The following NRG1 variants were observed in gnomAD, a reference collection of about 807,000 sequenced individuals.
NRG1 encodes pro-neuregulin-1, membrane-bound isoform.
Under a neutral mutation model 63.8 loss-of-function variants are expected in NRG1, and 18 were observed. That is an observed-to-expected ratio of 0.28 (90% CI 0.19 to 0.42). The LOEUF is 0.42. Among genes scored for constraint, NRG1 ranks in the 10% least tolerant of loss-of-function variants. The probability of loss-of-function intolerance (pLI) is 1.00; values close to 1 mark genes in which losing one functional copy is unlikely to be tolerated. For missense variants in NRG1, 762 were observed against 814.7 expected (o/e 0.94, Z 0.79); for synonymous variants, 302 against 301.3 (o/e 1.00, Z -0.02).
intron 1 of NRG1, among the ~76,000 whole-genome samples, chr8:32,251,857 T>G (rs1489087798): frequency 1.3e-5 from 2 of 151,332 alleles, no homozygotes; most frequent in Admixed American, 1.3e-4. Flanking sequence ...TCTCATATGT[T>G]TGTTAGCCGC....
At chr8:31,769,402 G>C (rs555358463) in intron 1 of NRG1, among the ~76,000 whole-genome samples, 1 of 152,270 alleles carries the variant, frequency 6.6e-6, no homozygotes, top group Admixed American at 6.5e-5. Flanking sequence ...TTTCAAGAGG[G>C]CATGGCTTCT....
At chr8:31,904,499 C>T (rs1832358673) in intron 1 of NRG1, among the ~76,000 whole-genome samples, 1 of 152,176 alleles carries the variant, frequency 6.6e-6, no homozygotes, top group South Asian at 2.1e-4. Context: ...TCTCAAAGAA[C>T]ATTTGACCTG....
intron 1 of NRG1, among the ~76,000 whole-genome samples, chr8:32,314,930 C>A (rs1384546089): frequency 1.3e-5 from 2 of 152,210 alleles, no homozygotes; most frequent in Non-Finnish European, 1.5e-5. Flanking sequence ...GTGACTGATT[C>A]TCACCACCAC....
At chr8:31,801,020 T>G (rs1051607491) in intron 1 of NRG1, among the ~76,000 whole-genome samples, 1 of 151,410 alleles carries the variant, frequency 6.6e-6, no homozygotes, top group African/African-American at 2.4e-5. Flanking sequence ...TTTTGTATTT[T>G]TTTTTTTTAG....
intron 1 of NRG1, among the ~76,000 whole-genome samples, chr8:32,225,395 C>G (rs919773777): frequency 2.0e-5 from 3 of 152,296 alleles, no homozygotes; most frequent in Non-Finnish European, 4.4e-5. Flanking sequence ...GTGTCCCCAC[C>G]ACCAGAGTTT....
intron 1 of NRG1, among the ~76,000 whole-genome samples, chr8:32,049,360 A>G (rs1821607518): frequency 6.6e-6 from 1 of 152,166 alleles, no homozygotes; most frequent in Non-Finnish European, 1.5e-5. Flanking sequence ...CCTGAGTGTA[A>G]GATTTCTGCC....
intron 5 of NRG1, among the ~76,000 whole-genome samples, chr8:32,712,096 C>T (rs1817962801): frequency 6.6e-6 from 1 of 152,100 alleles, no homozygotes; most frequent in South Asian, 2.1e-4. Flanking sequence ...TTTGATGGTT[C>T]AGTCTTTCTG....
intron 1 of NRG1, among the ~76,000 whole-genome samples, chr8:31,839,032 G>T (rs1299501895): frequency 6.6e-6 from 1 of 152,142 alleles, no homozygotes; most frequent in Non-Finnish European, 1.5e-5. Flanking sequence ...GGTTGAGATA[G>T]AAATATTTCA....
rs148381690 is a variant in NRG1, at chr8:32,523,447, A to G, written c.38-72381A>G. 4.6e-5 allele frequency among the ~76,000 whole-genome samples: 7 copies of G among 152,320 alleles called. No homozygotes were observed. The East Asian group carries it at 1.3e-3, about 29-fold the overall frequency. ...ACTATTTAATGGAGTTAGCGTTGCTATTTTTAAAAGAGTTTATTTAAAAAG... is the reference window on the plus strand; with the variant it reads ...ACTATTTAATGGAGTTAGCGTTGCTGTTTTTAAAAGAGTTTATTTAAAAAG... On this transcript the variant is annotated intron_variant, in intron 1 of 10. Transcript: ENST00000519301.
intron 1 of NRG1, among the ~76,000 whole-genome samples, chr8:32,258,045 C>T (rs538385863): frequency 6.6e-6 from 1 of 152,282 alleles, no homozygotes; most frequent in East Asian, 1.9e-4. Context: ...CAATATAGGA[C>T]ACATATCAAC....
chr8:32,304,769 C>A (rs990649724), intron 1 of NRG1, among the ~76,000 whole-genome samples: 9 of 152,052 alleles, frequency 5.9e-5, no homozygotes, highest in African/African-American at 2.2e-4. Context: ...TAATCCCAGG[C>A]GTGATTAATT....
chr8:32,337,456 T>C lies in NRG1; in HGVS notation c.38-258372T>C, dbSNP rs569161869. Among the ~76,000 whole-genome samples, 15 of 151,888 alleles carry C rather than the reference T, an allele frequency of 9.9e-5. No individual in the cohort carries two copies. In the South Asian group the frequency reaches 1.9e-3, roughly 19 times the overall value. On this transcript the variant is annotated intron_variant, in intron 1 of 10. Coordinates refer to the NRG1 transcript ENST00000519301. ...TTGAAGAGTGAGGGAGCATTTAGTT[T>C]GTCTGTTTTATAAGTAGAGGCCATC...
Position 31,767,953 on chromosome 8 carries a change from C to T in NRG1, c.37+128522C>T, listed in dbSNP as rs564468688. On this transcript the variant is annotated intron_variant, in intron 1 of 10. Transcript: ENST00000519301. The stretch of plus-strand genomic sequence containing the variant: ...GAAATTTTCTGTATTTGTCCAACAT[C>T]GGTCAAATTCCTTAATCTTATAACA... Among the ~76,000 whole-genome samples the T allele has an allele frequency of 1.8e-4, 27 of 151,946 alleles. No individual in the cohort carries two copies. In the South Asian group the frequency reaches 4.4e-3, roughly 25 times the overall value.
chr8:32,311,002 C>T (rs1856751653), intron 1 of NRG1, among the ~76,000 whole-genome samples: 1 of 152,176 alleles, frequency 6.6e-6, no homozygotes, highest in Non-Finnish European at 1.5e-5. Context: ...CTAAATACCT[C>T]TTGGGTTCAT....
intron 1 of NRG1, among the ~76,000 whole-genome samples, chr8:32,204,592 T>C (rs753698743): frequency 6.6e-6 from 1 of 152,216 alleles, no homozygotes; most frequent in Non-Finnish European, 1.5e-5. Context: ...TAGTGAATTA[T>C]GAGAAGTAAA....
chr8:32,322,355 T>TTATATATATATATATA lies in NRG1; in HGVS notation c.38-273466_38-273451dup, dbSNP rs149742517. ...AACCTTATTTAAGTGCAACCTTATTTTATATATATATATATATATATACCC... is the reference window on the plus strand; with the variant it reads ...AACCTTATTTAAGTGCAACCTTATTTTATATATATATATATATATATATATATATATATATATACCC... On this transcript the variant is annotated intron_variant, in intron 1 of 10. Coordinates refer to the NRG1 transcript ENST00000519301. 3.2e-4 allele frequency among the ~76,000 whole-genome samples: 45 copies of TTATATATATATATATA among 142,660 alleles called. 1 individual carries two copies. Among genetic ancestry groups the TTATATATATATATATA allele is most frequent in the African/African-American group, 1.1e-3 (41 of 38,056 alleles). The allele number at this position is 142,660 out of a possible 152,430, so 93.6% of individuals were successfully genotyped here.
intron 1 of NRG1, among the ~76,000 whole-genome samples, chr8:32,171,797 G>C (rs1840080771): frequency 6.6e-6 from 1 of 152,140 alleles, no homozygotes; most frequent in Non-Finnish European, 1.5e-5. Flanking sequence ...TGAGGCTGGG[G>C]GAGGGACGCC....
intron 1 of NRG1, among the ~76,000 whole-genome samples, chr8:32,178,047 G>T (rs1213218234): frequency 6.6e-6 from 1 of 152,028 alleles, no homozygotes; most frequent in Non-Finnish European, 1.5e-5. Context: ...AGAGGGCAAG[G>T]CAAGGGGAGG....
chr8:32,696,656 CTTTTT>C (rs143232293), intron 5 of NRG1, among the ~76,000 whole-genome samples: 6 of 86,578 alleles, frequency 6.9e-5, no homozygotes, highest in African/African-American at 4.3e-5. Flanking sequence ...TATAATCTAT[CTTTTT>C]TTTTTTTTTT....
Sources: gnomAD v4.1 joint callset for allele counts (sites outside exome capture counted in the v4.1 genomes callset) on GRCh38, gnomAD v4.1.1 for gene constraint, MANE v1.5 for transcripts, NCBI Gene and HGNC (gene_info 2026-07-23, HGNC 2026-07-21) for gene names.